Variants in SUPT7L observed in about 807,000 individuals in gnomAD.
The protein encoded by SUPT7L is STAGA complex 65 subunit gamma.
In SUPT7L, 15 loss-of-function variants were observed where a neutral mutation model predicts 35.7. That is an observed-to-expected ratio of 0.42 (90% CI 0.28 to 0.65). The LOEUF (loss-of-function observed/expected upper bound fraction) is 0.65, where lower values mean the gene tolerates loss of function less well. Among genes scored for constraint, SUPT7L ranks in the 30% least tolerant of loss-of-function variants. The probability of loss-of-function intolerance (pLI) is 0.23; values close to 1 mark genes in which losing one functional copy is unlikely to be tolerated. For synonymous variants in SUPT7L, 168 were observed against 186.2 expected (o/e 0.90, Z 0.79); for missense variants, 434 against 522.2 (o/e 0.83, Z 1.65).
intron 4 of SUPT7L, among the ~76,000 whole-genome samples, chr2:27,655,828 G>T (rs1195500533): frequency 6.6e-6 from 1 of 152,136 alleles, no homozygotes; most frequent in Non-Finnish European, 1.5e-5. Context: ...TTAATTAAAA[G>T]TTACATAAAG....
At chr2:27,660,302 A>G (rs1369390513) in intron 3 of SUPT7L, among the ~76,000 whole-genome samples, 1 of 151,642 alleles carries the variant, frequency 6.6e-6, no homozygotes, top group African/African-American at 2.4e-5. Context: ...GTGATCTGCA[A>G]TCTCTGCCTC....
downstream of SUPT7L, among the ~76,000 whole-genome samples, chr2:27,649,310 T>C (rs1282924754): frequency 1.3e-5 from 2 of 152,036 alleles, no homozygotes; most frequent in Non-Finnish European, 2.9e-5. Flanking sequence ...GTCTTAGCTA[T>C]GGCCAAGAGC....
chr2:27,649,503 C>G (rs1020729479), downstream of SUPT7L, among the ~76,000 whole-genome samples: 2 of 152,130 alleles, frequency 1.3e-5, no homozygotes, highest in African/African-American at 4.8e-5. Context: ...TCCCTCACCC[C>G]CCAAAACTTC....
At chr2:27,662,102 T>C in intron 2 of SUPT7L, 77 bp downstream of exon 2, 1 of 1,606,466 alleles carries the variant, frequency 6.2e-7, no homozygotes, top group Non-Finnish European at 8.5e-7. Flanking sequence ...ATCAAATGGC[T>C]TCCCATTGCC....
At chr2:27,649,745 CCA>C (rs1247307856), downstream of SUPT7L, among the ~76,000 whole-genome samples, 1 of 152,116 alleles carries the variant, frequency 6.6e-6, no homozygotes, top group Non-Finnish European at 1.5e-5. Flanking sequence ...TGTGGATGTT[CCA>C]CAGTTTGTTT....
chr2:27,648,454 G>A (rs921073783), downstream of SUPT7L, among the ~76,000 whole-genome samples: 1 of 152,146 alleles, frequency 6.6e-6, no homozygotes, highest in African/African-American at 2.4e-5. Flanking sequence ...AGAAGTTTGA[G>A]GCTATTATGA....
chr2:27,646,117 C>T (rs904184662), downstream of SUPT7L, among the ~76,000 whole-genome samples: 7 of 152,226 alleles, frequency 4.6e-5, no homozygotes, highest in African/African-American at 1.7e-4. Context: ...TCTCGGCTCA[C>T]TGCAACCTCC....
At position 27,662,292 on chromosome 2, in the gene SUPT7L, G is replaced by A; in HGVS notation, c.-89-11C>T. 7.7e-7 allele frequency: 1 copy of A among 1,307,158 alleles called. No homozygotes were observed. The highest frequency in any genetic ancestry group is 1.1e-6 in the Non-Finnish European group (1 of 902,628). The allele number at this position is 1,307,158 out of a possible 1,614,324, so 81.0% of individuals were successfully genotyped here. ...TGTGAGATCCTTGCCCTGAAGTGAG[G>A]AAGAGAAACAGAAGCAGAATATTTC... On this transcript the variant is annotated splice_polypyrimidine_tract_variant and intron_variant, in intron 1 of 5. Coordinates refer to ENST00000337768, the MANE Select transcript of SUPT7L (RefSeq NM_014860.3).
At chr2:27,658,020 G>C (rs1428965173) in intron 3 of SUPT7L, among the ~76,000 whole-genome samples, 2 of 152,188 alleles carry the variant, frequency 1.3e-5, no homozygotes, top group African/African-American at 2.4e-5. Context: ...GCTCAATGAT[G>C]CTCTAATTAT....
chr2:27,662,762 A>G (rs1019987348), intron 1 of SUPT7L, among the ~76,000 whole-genome samples: 1 of 152,052 alleles, frequency 6.6e-6, no homozygotes, highest in African/African-American at 2.4e-5. Context: ...TGTTTACTAT[A>G]TGCCAGACTT....
downstream of SUPT7L, among the ~76,000 whole-genome samples, chr2:27,649,694 A>G (rs1466358534): frequency 6.6e-6 from 1 of 151,960 alleles, no homozygotes; most frequent in South Asian, 2.1e-4. Flanking sequence ...TGTTGCATGT[A>G]TCAGTATGTT....
At chr2:27,659,897 G>A (rs2148119959) in intron 3 of SUPT7L, among the ~76,000 whole-genome samples, 1 of 152,254 alleles carries the variant, frequency 6.6e-6, no homozygotes, top group Middle Eastern at 3.4e-3. Flanking sequence ...AAGGTATTTG[G>A]ATGTTTGTTG....
At chr2:27,656,751 C>A (rs939071000) in intron 4 of SUPT7L, among the ~76,000 whole-genome samples, 1 of 151,944 alleles carries the variant, frequency 6.6e-6, no homozygotes, top group African/African-American at 2.4e-5. Flanking sequence ...TCCCACCTCA[C>A]ACTCCCAAGT....
chr2:27,649,672 G>C (rs932211314), downstream of SUPT7L, among the ~76,000 whole-genome samples: 10 of 152,106 alleles, frequency 6.6e-5, no homozygotes, highest in African/African-American at 2.4e-4. Context: ...CAGTAGTGTA[G>C]TCTCTCCATG....
At chr2:27,649,437 C>T (rs573908679), downstream of SUPT7L, among the ~76,000 whole-genome samples, 11 of 146,094 alleles carry the variant, frequency 7.5e-5, no homozygotes, top group African/African-American at 2.7e-4. Context: ...GTTTGATGAG[C>T]TTTAATAAAT....
Position 27,662,267 on chromosome 2 carries a change from T to A in SUPT7L, c.-75A>T. On this transcript the variant is annotated 5_prime_UTR_variant, in exon 2 of 6. Transcript: ENST00000337768. ...TTCTGTGTCGGTCAAAGACTGATAA[T>A]GTGAGATCCTTGCCCTGAAGTGAGG... 6.7e-7 allele frequency: 1 copy of A among 1,489,912 alleles called. No individual in the cohort carries two copies. Among genetic ancestry groups the A allele is most frequent in the Non-Finnish European group, 9.4e-7 (1 of 1,067,050 alleles). 92.3% of individuals were successfully genotyped at this position (1,489,912 alleles called of 1,614,324 possible). A position where few individuals can be genotyped will look rare whatever the true frequency, so the allele number is the denominator to read the frequency against.
the SUPT7L span, among the ~76,000 whole-genome samples, chr2:27,642,712 G>A: frequency 6.6e-6 from 1 of 151,980 alleles, no homozygotes; most frequent in Non-Finnish European, 1.5e-5. Flanking sequence ...TTACAGGCAT[G>A]TGCCACCACA....
At chr2:27,645,108 C>T in the SUPT7L span, among the ~76,000 whole-genome samples, 6 of 152,078 alleles carry the variant, frequency 3.9e-5, no homozygotes, top group African/African-American at 1.4e-4. Flanking sequence ...GCTAGATCTA[C>T]AGGTGTGTGC....
intron 5 of SUPT7L, among the ~76,000 whole-genome samples, chr2:27,654,800 T>C (rs1463523922): frequency 6.6e-6 from 1 of 152,060 alleles, no homozygotes; most frequent in Non-Finnish European, 1.5e-5. Context: ...TCTCCTGACC[T>C]CGTGATTCGC....
Sources: allele counts gnomAD v4.1 joint callset (sites outside exome capture counted in the v4.1 genomes callset), GRCh38; gene constraint gnomAD v4.1.1; transcripts MANE v1.5; gene names NCBI Gene and HGNC (gene_info 2026-07-23, HGNC 2026-07-21).